SNX19: variants seen among roughly 807,000 people sequenced by gnomAD.
The protein encoded by SNX19 is sorting nexin 19, also known as sorting nexin-19.
In SNX19, 60 loss-of-function variants were observed where a neutral mutation model predicts 85.2. That is an observed-to-expected ratio of 0.70 (90% CI 0.57 to 0.87). The LOEUF is 0.87. Among genes scored for constraint, SNX19 ranks in the 40% least tolerant of loss-of-function variants. The pLI, the probability that SNX19 is intolerant of heterozygous loss-of-function variation, is 0.00. For synonymous variants in SNX19, 520 were observed against 470.0 expected (o/e 1.11, Z -1.38); for missense variants, 1,201 against 1,217.8 (o/e 0.99, Z 0.21).
intron 2 of SNX19, among the ~76,000 whole-genome samples, chr11:130,911,191 T>C (rs546852817): frequency 7.0e-5 from 8 of 114,358 alleles, no homozygotes; most frequent in South Asian, 3.1e-4. Context: ...CGAGACTCCA[T>C]GTCAAAAAAA....
chr11:130,910,205 T>G, intron 3 of SNX19, 65 bp downstream of exon 3: 4 of 1,613,480 alleles, frequency 2.5e-6, no homozygotes, highest in Non-Finnish European at 3.4e-6. Flanking sequence ...CACCTTGGCT[T>G]GGGTGTTCTG....
At position 130,875,731 on chromosome 11, in the gene SNX19, T is replaced by G. The variant is rs1943212962; in HGVS notation, c.*2691A>C. ...AGGGGGAAGGGATAGCATCAGGAGA[T>G]ATACCTAATGTAAATGACGAGTTAA... is the stretch of plus-strand genomic sequence containing the variant. On this transcript the variant is annotated 3_prime_UTR_variant, in exon 11 of 11. Coordinates refer to ENST00000265909, the MANE Select transcript of SNX19 (RefSeq NM_014758.3). 1 of 152,016 alleles carries G rather than the reference T, an allele frequency of 6.6e-6. No homozygotes were observed. Among genetic ancestry groups the G allele is most frequent in the Non-Finnish European group, 1.5e-5 (1 of 68,010 alleles). 9.4% of individuals were successfully genotyped at this position (152,016 alleles called of 1,614,324 possible).
At position 130,868,532 on chromosome 11, in the gene SNX19, C is replaced by T. The variant is rs886375940; in HGVS notation, c.*9890G>A. On this transcript the variant is annotated 3_prime_UTR_variant, in exon 11 of 11. Transcript: ENST00000265909. ...TGGGACATTTCCACCTTAGATTAGA[C>T]AGGCATTGGAGTCAGGAGCTAGCTG... is the stretch of plus-strand genomic sequence containing the variant. The T allele has an allele frequency of 2.0e-5, 3 of 152,220 alleles. No homozygotes were observed. Among genetic ancestry groups the T allele is most frequent in the Non-Finnish European group, 4.4e-5 (3 of 68,094 alleles). The allele number at this position is 152,220 out of a possible 1,614,324, so 9.4% of individuals were successfully genotyped here.
intron 8 of SNX19, among the ~76,000 whole-genome samples, chr11:130,898,152 G>GTTT (rs35343079): frequency 2.0e-5 from 3 of 148,232 alleles, no homozygotes; most frequent in African/African-American, 2.5e-5. Context: ...AACTTACTCT[G>GTTT]TTTTTTTTTT....
intron 8 of SNX19, among the ~76,000 whole-genome samples, chr11:130,889,582 T>C (rs201153657): frequency 6.6e-6 from 1 of 152,224 alleles, no homozygotes; most frequent in Non-Finnish European, 1.5e-5. Flanking sequence ...TCTTACAGCA[T>C]GTAAAACAGT....
At position 130,874,632 on chromosome 11, in the gene SNX19, A is replaced by C. The variant is rs957596889; in HGVS notation, c.*3790T>G. ...TCCTCATAATTTAATTCTTGTCCAG[A>C]GCATCCTGATTCATATAGCCAGGGA... On this transcript the variant is annotated 3_prime_UTR_variant, in exon 11 of 11. Coordinates refer to ENST00000265909, the MANE Select transcript of SNX19 (RefSeq NM_014758.3). Among the ~76,000 whole-genome samples the C allele has an allele frequency of 2.5e-4, 38 of 152,340 alleles. No homozygotes were observed. Among genetic ancestry groups the C allele is most frequent in the African/African-American group, 8.4e-4 (35 of 41,576 alleles).
At chr11:130,908,463 T>A (rs1004653084) in intron 4 of SNX19, 4 of 168,440 alleles carry the variant, frequency 2.4e-5, no homozygotes, top group African/African-American at 9.6e-5. Flanking sequence ...AAGATGTGCA[T>A]CAGTGGAAGT....
At position 130,875,742 on chromosome 11, in the gene SNX19, T is replaced by C. The variant is rs1943213546; in HGVS notation, c.*2680A>G. ...ATAGCATCAGGAGATATACCTAATGTAAATGACGAGTTAACGGGTGCAGCA... is the reference window on the plus strand; with the variant it reads ...ATAGCATCAGGAGATATACCTAATGCAAATGACGAGTTAACGGGTGCAGCA... On this transcript the variant is annotated 3_prime_UTR_variant, in exon 11 of 11. Transcript: ENST00000265909. 6.6e-6 allele frequency: 1 copy of C among 152,074 alleles called. No individual in the cohort carries two copies. Among genetic ancestry groups the C allele is most frequent in the Non-Finnish European group, 1.5e-5 (1 of 68,016 alleles). The allele number at this position is 152,074 out of a possible 1,614,324, so 9.4% of individuals were successfully genotyped here.
rs749207922 is a variant in SNX19 at position 130,914,954 on chromosome 11, A to G, written c.986T>C (p.Val329Ala). ...PEGSAGPSPE[V>A]EEGHEAVEGD... ...CTCTACAGCTTCGTGGCCTTCTTCAACCTCTGGAGAGGGGCCTGCAGAACC... is the reference window on the plus strand; with the variant it reads ...CTCTACAGCTTCGTGGCCTTCTTCAGCCTCTGGAGAGGGGCCTGCAGAACC... Residue 329 changes from valine (V) to alanine (A), a missense_variant, in exon 1 of 11, where the codon GTT becomes GCT. Physicochemically the swap from Val to Ala is moderately conservative, Grantham distance 64 (BLOSUM62 0). This residue lies in a region of SNX19 where 791 missense variants were observed against 750.9 expected (regional missense o/e 1.05). Coordinates refer to ENST00000265909, the MANE Select transcript of SNX19 (RefSeq NM_014758.3). 3.1e-6 allele frequency: 5 copies of G among 1,614,076 alleles called. No homozygotes were observed. The highest frequency in any genetic ancestry group is 3.4e-6 in the Non-Finnish European group (4 of 1,179,998).
At chr11:130,885,591 A>G (rs1944003097) in intron 8 of SNX19, among the ~76,000 whole-genome samples, 1 of 152,204 alleles carries the variant, frequency 6.6e-6, no homozygotes, top group African/African-American at 2.4e-5. Context: ...TGAAGAGGAG[A>G]AAGGGAAGAA....
intron 8 of SNX19, among the ~76,000 whole-genome samples, chr11:130,883,686 CAG>C (rs747255895): frequency 1.3e-5 from 2 of 152,226 alleles, no homozygotes; most frequent in African/African-American, 2.4e-5. Flanking sequence ...TGTCAGCAAA[CAG>C]AGGCTTTATC....
At chr11:130,886,027 A>G (rs1287825435) in intron 8 of SNX19, among the ~76,000 whole-genome samples, 1 of 152,168 alleles carries the variant, frequency 6.6e-6, no homozygotes, top group African/African-American at 2.4e-5. Flanking sequence ...AGTTTTGCCA[A>G]CCAAACATGT....
At chr11:130,883,160 A>G (rs542009137) in intron 8 of SNX19, among the ~76,000 whole-genome samples, 164 of 152,330 alleles carry the variant, frequency 1.1e-3, no homozygotes, top group African/African-American at 3.7e-3. Flanking sequence ...AAATTTATAA[A>G]CTTATACAAA....
At chr11:130,903,597 C>T (rs571853730) in intron 7 of SNX19, among the ~76,000 whole-genome samples, 25 of 151,578 alleles carry the variant, frequency 1.6e-4, no homozygotes, top group African/African-American at 5.8e-4. Context: ...TATTAATGTT[C>T]CTGATATTGT....
At chr11:130,884,712 C>T (rs995459972) in intron 8 of SNX19, among the ~76,000 whole-genome samples, 2 of 150,844 alleles carry the variant, frequency 1.3e-5, no homozygotes, top group Non-Finnish European at 1.5e-5. Context: ...ACTAAAAATA[C>T]AAAAAAAATT....
rs1299698016 is a variant in SNX19 at position 130,874,816 on chromosome 11, A to G, written c.*3606T>C. 1.3e-5 allele frequency among the ~76,000 whole-genome samples: 2 copies of G among 152,240 alleles called. No individual in the cohort carries two copies. Among genetic ancestry groups the G allele is most frequent in the African/African-American group, 2.4e-5 (1 of 41,462 alleles). On this transcript the variant is annotated 3_prime_UTR_variant, in exon 11 of 11. Transcript: ENST00000265909. ...TGCAAATCAAAACCATGAGATAGTA[A>G]TATCACCTAATACCTTTTAAGATGC...
At chr11:130,886,049 G>T (rs1042959191) in intron 8 of SNX19, among the ~76,000 whole-genome samples, 1 of 152,072 alleles carries the variant, frequency 6.6e-6, no homozygotes, top group African/African-American at 2.4e-5. Flanking sequence ...TCCAAACATT[G>T]CGGCATGTCC....
rs985078317 is a variant in SNX19 at position 130,891,989 on chromosome 11, C to T, written c.2574-11183G>A. On this transcript the variant is annotated intron_variant, in intron 8 of 10. Transcript: ENST00000265909. ...CCGAGTACCTGGGACTAAGGGCATG[C>T]GCCACGATGCCCGGCAAATTTTTTT... is the stretch of plus-strand genomic sequence containing the variant. Among the ~76,000 whole-genome samples the T allele has an allele frequency of 1.2e-4, 18 of 151,710 alleles. No individual in the cohort carries two copies. The East Asian group carries it at 3.1e-3, about 26-fold the overall frequency.
intron 8 of SNX19, among the ~76,000 whole-genome samples, chr11:130,881,656 G>C (rs1943688473): frequency 6.6e-6 from 1 of 152,156 alleles, no homozygotes; most frequent in Non-Finnish European, 1.5e-5. Flanking sequence ...GTTCATAATA[G>C]TTCTCTCACT....
Sources: gnomAD v4.1 joint callset for allele counts (sites outside exome capture counted in the v4.1 genomes callset) on GRCh38, gnomAD v4.1.1 for gene constraint, gnomAD v4.1.1 regional missense constraint, MANE v1.5 for transcripts, NCBI Gene and HGNC (gene_info 2026-07-23, HGNC 2026-07-21) for gene names.